Variants in TAFA4 observed in about 807,000 individuals in gnomAD.
The protein encoded by TAFA4 is TAFA chemokine like family member 4, also known as chemokine-like protein TAFA-4.
TAFA4 carries 20 observed loss-of-function variants against 21.1 expected under a neutral mutation model. That is an observed-to-expected ratio of 0.95 (90% CI 0.67 to 1.38). The LOEUF is 1.38. Ranked by LOEUF, TAFA4 falls within the 40% of genes most tolerant of loss-of-function variation. TAFA4 has a pLI of 0.00. For synonymous variants in TAFA4, 71 were observed against 67.4 expected, an observed-to-expected ratio of 1.05 and a Z score of -0.26; for missense variants, 211 against 180.9, an observed-to-expected ratio of 1.17 and a Z score of -0.95.
At chr3:68,921,296 C>G (rs1485357385) in intron 1 of TAFA4, among the ~76,000 whole-genome samples, 1 of 151,938 alleles carries the variant, frequency 6.6e-6, no homozygotes, top group East Asian at 1.9e-4. Flanking sequence ...ACCTTCCTGC[C>G]AACACCCACA....
At chr3:68,820,064 A>G (rs755086620) in intron 3 of TAFA4, among the ~76,000 whole-genome samples, 1 of 152,236 alleles carries the variant, frequency 6.6e-6, no homozygotes, top group African/African-American at 2.4e-5. Flanking sequence ...AGGAATAAAG[A>G]AAATGTGGCA....
intron 3 of TAFA4, among the ~76,000 whole-genome samples, chr3:68,869,507 A>C (rs138455440): frequency 1.3e-5 from 2 of 152,082 alleles, no homozygotes; most frequent in Non-Finnish European, 2.9e-5. Flanking sequence ...AAGATCATTC[A>C]CCATGATCAA....
intron 3 of TAFA4, among the ~76,000 whole-genome samples, chr3:68,858,577 C>CATGT (rs140824472): frequency 6.8e-6 from 1 of 146,058 alleles, no homozygotes; most frequent in African/African-American, 2.5e-5. Context: ...TTCCAAGTGA[C>CATGT]GTGTGTGTGT....
chr3:68,780,459 T>C (rs1027217940), intron 3 of TAFA4, among the ~76,000 whole-genome samples: 2 of 152,192 alleles, frequency 1.3e-5, no homozygotes, highest in African/African-American at 2.4e-5. Context: ...TGGGAGGTAA[T>C]TGAATCATGA....
chr3:68,833,738 CT>C (rs1704455242), intron 3 of TAFA4, among the ~76,000 whole-genome samples: 1 of 152,154 alleles, frequency 6.6e-6, no homozygotes, highest in Non-Finnish European at 1.5e-5. Context: ...ACAACAAACA[CT>C]TTCATGGATA....
intron 3 of TAFA4, among the ~76,000 whole-genome samples, chr3:68,827,830 T>C (rs1251406048): frequency 6.6e-6 from 1 of 152,230 alleles, no homozygotes; most frequent in Non-Finnish European, 1.5e-5. Flanking sequence ...ATTCTGTAGG[T>C]TGCCTGTTCA....
At chr3:68,861,711 A>T (rs1480044434) in intron 3 of TAFA4, among the ~76,000 whole-genome samples, 1 of 151,934 alleles carries the variant, frequency 6.6e-6, no homozygotes, top group African/African-American at 2.4e-5. Context: ...AAAATACCAC[A>T]GCCTTGGAAG....
chr3:68,922,386 T>G (rs1247887214), intron 1 of TAFA4, among the ~76,000 whole-genome samples: 3 of 152,142 alleles, frequency 2.0e-5, no homozygotes, highest in Admixed American at 1.3e-4. Flanking sequence ...ATACTGGAAT[T>G]TGGGGACCGG....
At chr3:68,913,411 T>C (rs190733276) in intron 1 of TAFA4, among the ~76,000 whole-genome samples, 42 of 151,708 alleles carry the variant, frequency 2.8e-4, no homozygotes, top group Admixed American at 1.2e-3. Flanking sequence ...CTGGGCGGAG[T>C]TGCAAAATAA....
intron 1 of TAFA4, among the ~76,000 whole-genome samples, chr3:68,911,225 T>C (rs1182209833): frequency 6.6e-6 from 1 of 152,224 alleles, no homozygotes; most frequent in Non-Finnish European, 1.5e-5. Context: ...TGATCCATTT[T>C]TTTCCTATAA....
chr3:68,804,823 C>A (rs369079010), intron 3 of TAFA4, among the ~76,000 whole-genome samples: 6 of 152,218 alleles, frequency 3.9e-5, no homozygotes, highest in African/African-American at 7.2e-5. Flanking sequence ...TAAAGACTTA[C>A]ATGTTAGACC....
At chr3:68,794,153 G>T (rs1358797117) in intron 3 of TAFA4, among the ~76,000 whole-genome samples, 1 of 151,992 alleles carries the variant, frequency 6.6e-6, no homozygotes. Context: ...AATTTATTTT[G>T]CCATTGATGA....
At chr3:68,829,280 C>CA (rs969546027) in intron 3 of TAFA4, among the ~76,000 whole-genome samples, 6 of 152,082 alleles carry the variant, frequency 3.9e-5, no homozygotes, top group South Asian at 2.1e-4. Context: ...ACAAACCTGA[C>CA]AAAAAACAAG....
intron 1 of TAFA4, among the ~76,000 whole-genome samples, chr3:68,891,391 C>T (rs1052653346): frequency 6.6e-6 from 1 of 152,174 alleles, no homozygotes; most frequent in Admixed American, 6.5e-5. Context: ...CCAGGGAAAC[C>T]TCCAAGCCCA....
intron 3 of TAFA4, among the ~76,000 whole-genome samples, chr3:68,840,497 G>A (rs1043564525): frequency 3.9e-5 from 6 of 152,298 alleles, no homozygotes; most frequent in Middle Eastern, 3.4e-3. Context: ...GACTGCAGGT[G>A]TGAGCCACAA....
rs573458097 is a variant in TAFA4, at chr3:68,903,294, CGG to C, written c.-122-17986_-122-17985del. On this transcript the variant is annotated intron_variant, in intron 1 of 5. Coordinates refer to ENST00000295569, the MANE Select transcript of TAFA4 (RefSeq NM_182522.5). The stretch of plus-strand genomic sequence containing the variant: ...TGCACAGAATCAGGGGTCCATAAAC[CGG>C]GATGAGAAAAAAAAATGACATCTTA... 6.6e-5 allele frequency among the ~76,000 whole-genome samples: 10 copies of C among 151,920 alleles called. No homozygotes were observed. In the East Asian group the frequency reaches 1.9e-3, roughly 29 times the overall value.
At chr3:68,770,915 G>T (rs535904852) in intron 3 of TAFA4, among the ~76,000 whole-genome samples, 2 of 152,066 alleles carry the variant, frequency 1.3e-5, no homozygotes, top group Non-Finnish European at 2.9e-5. Flanking sequence ...TCCTGTTCCC[G>T]TAAAAGCCTG....
chr3:68,753,105 T>A, intron 3 of TAFA4, 87 bp from the exon 4 acceptor site: 1 of 1,263,584 alleles, frequency 7.9e-7, no homozygotes, highest in Non-Finnish European at 1.1e-6. Flanking sequence ...ATGATGACAT[T>A]TTCCAACTTC....
chr3:68,896,071 G>A (rs1322727649), intron 1 of TAFA4, among the ~76,000 whole-genome samples: 1 of 152,094 alleles, frequency 6.6e-6, no homozygotes, highest in Non-Finnish European at 1.5e-5. Context: ...AGCTTGGTGT[G>A]TTCAGGAGCG....
Sources: allele counts gnomAD v4.1 joint callset (sites outside exome capture counted in the v4.1 genomes callset), GRCh38; gene constraint gnomAD v4.1.1; transcripts MANE v1.5; gene names NCBI Gene and HGNC (gene_info 2026-07-23, HGNC 2026-07-21).